PTPRA: variants seen among roughly 807,000 people sequenced by gnomAD.
PTPRA encodes protein tyrosine phosphatase receptor type A, also known as receptor-type tyrosine-protein phosphatase alpha.
PTPRA carries 25 observed loss-of-function variants against 104.8 expected under a neutral mutation model. That is an observed-to-expected ratio of 0.24 (90% confidence interval 0.17 to 0.33). The LOEUF (loss-of-function observed/expected upper bound fraction) is 0.33, where lower values mean the gene tolerates loss of function less well. Among genes scored for constraint, PTPRA ranks in the 10% least tolerant of loss-of-function variants. The pLI, the probability that PTPRA is intolerant of heterozygous loss-of-function variation, is 1.00. For synonymous variants in PTPRA, 323 were observed against 368.9 expected (o/e 0.88, Z 1.43); for missense variants, 765 against 1,015.3 (o/e 0.75, Z 3.35).
At chr20:2,882,896 A>G (rs1185742578) in intron 1 of PTPRA, among the ~76,000 whole-genome samples, 1 of 151,946 alleles carries the variant, frequency 6.6e-6, no homozygotes, top group Non-Finnish European at 1.5e-5. Flanking sequence ...TTTTAAAAAA[A>G]TGCCAACTTT....
chr20:2,979,471 C>G (rs564176658), intron 6 of PTPRA, among the ~76,000 whole-genome samples: 1 of 152,314 alleles, frequency 6.6e-6, no homozygotes, highest in South Asian at 2.1e-4. Context: ...GACAGTTGCT[C>G]TTTCACACAA....
chr20:2,879,106 A>G (rs2089909107), intron 1 of PTPRA, among the ~76,000 whole-genome samples: 1 of 152,236 alleles, frequency 6.6e-6, no homozygotes, highest in Non-Finnish European at 1.5e-5. Flanking sequence ...GTAGACAGAC[A>G]TTAAAATCAC....
rs1170681926 is a variant in PTPRA, at chr20:2,988,390, C to T, written c.654C>T (p.Tyr218=). 2 of 1,612,568 alleles carry T rather than the reference C, an allele frequency of 1.2e-6. No individual in the cohort carries two copies. The highest frequency in any genetic ancestry group is 2.2e-5 in the East Asian group (1 of 44,846). Residue 218 remains tyrosine, a synonymous_variant, in exon 9 of 24, where the codon TAC becomes TAT. Transcript: ENST00000399903. ...GATCCCCAAGCACCAACAGGAAATA[C>T]CCACCCCTGCCCGTGGACAAGCTGG... ...LARSPSTNRK[Y]PPLPVDKLEE...
chr20:2,966,387 A>T (rs1163475147), intron 5 of PTPRA, among the ~76,000 whole-genome samples: 1 of 152,238 alleles, frequency 6.6e-6, no homozygotes, highest in Non-Finnish European at 1.5e-5. Context: ...TATTAGGATT[A>T]AACAAGTTAA....
intron 22 of PTPRA, 100 bp downstream of exon 22, chr20:3,036,041 G>A: frequency 6.4e-7 from 1 of 1,566,574 alleles, no homozygotes; most frequent in Non-Finnish European, 8.6e-7. Context: ...CCATACAAGA[G>A]CAAGATATTG....
chr20:3,029,540 C>CTTTTTTTTGTTTTTTTTTT (rs2065322888), intron 20 of PTPRA, among the ~76,000 whole-genome samples: 1 of 78,084 alleles, frequency 1.3e-5, no homozygotes, highest in African/African-American at 5.5e-5. Context: ...TCTTCATCAT[C>CTTTTTTTTGTTTTTTTTTT]TTTTTTTTTT....
chr20:2,987,685 A>T (rs2062965221), intron 7 of PTPRA, among the ~76,000 whole-genome samples: 2 of 152,128 alleles, frequency 1.3e-5, no homozygotes, highest in African/African-American at 4.8e-5. Flanking sequence ...GGAAATACCA[A>T]GATTTTTGTT....
intron 2 of PTPRA, among the ~76,000 whole-genome samples, chr20:2,940,748 C>T (rs1427200943): frequency 6.6e-6 from 1 of 152,130 alleles, no homozygotes; most frequent in Non-Finnish European, 1.5e-5. Context: ...TTAGAATATG[C>T]CATGTTCATT....
At position 3,035,594 on chromosome 20, in the gene PTPRA, G is replaced by A. The variant is rs1158088221; in HGVS notation, c.1930G>A (p.Ala644Thr). ...ELEERGQEKC[A>T]QYWPSDGLVS... The stretch of plus-strand genomic sequence containing the variant: ...CAACCTGTCTCTCCAGGAGAAGTGT[G>A]CCCAGTACTGGCCATCTGATGGACT... Residue 644 changes from alanine to threonine, a missense_variant, in exon 21 of 24, where the codon GCC (alanine) becomes ACC (threonine). Physicochemically the swap from Ala to Thr is moderately conservative, Grantham distance 58. This residue lies in a region of PTPRA where 192 missense variants were observed against 227.0 expected (regional missense o/e 0.85). Coordinates refer to ENST00000399903, the MANE Select transcript of PTPRA (RefSeq NM_001385305.1). This position sits in a 1 kb window ranked among gnomAD's most constrained non-coding sequence, Gnocchi z 5.8. The A allele has an allele frequency of 6.2e-7, 1 of 1,611,800 alleles. No individual in the cohort carries two copies. Among genetic ancestry groups the A allele is most frequent in the Admixed American group, 1.7e-5 (1 of 60,008 alleles).
intron 9 of PTPRA, among the ~76,000 whole-genome samples, chr20:3,000,912 A>T (rs1004134424): frequency 1.3e-5 from 2 of 152,216 alleles, no homozygotes; most frequent in African/African-American, 4.8e-5. Context: ...AAGGAAGAGG[A>T]TATAAGGAGA....
At chr20:2,910,592 TTTTTTTTGTTTTTTTTAA>T (rs2059680218) in intron 1 of PTPRA, among the ~76,000 whole-genome samples, 1 of 126,952 alleles carries the variant, frequency 7.9e-6, no homozygotes, top group African/African-American at 3.3e-5. Flanking sequence ...TTTTTTTGTT[TTTTTTTTGTTTTTTTTAA>T]TTTTTTTTTT....
chr20:3,004,577 G>C (rs1283657328), intron 9 of PTPRA, among the ~76,000 whole-genome samples: 10 of 150,892 alleles, frequency 6.6e-5, no homozygotes, highest in Non-Finnish European at 1.3e-4. Context: ...AGGCTGGGGT[G>C]CCATGCCCCC....
At position 2,911,266 on chromosome 20, in the gene PTPRA, C is replaced by A. The variant is rs2059713711; in HGVS notation, c.-128-11941C>A. 2.0e-5 allele frequency among the ~76,000 whole-genome samples: 3 copies of A among 152,102 alleles called. No individual in the cohort carries two copies. The South Asian group carries it at 6.2e-4, about 32-fold the overall frequency. On this transcript the variant is annotated intron_variant, in intron 1 of 23. Transcript: ENST00000399903. Reference sequence around the variant, plus strand: ...TTGGCATAGGTGTTAACTTCATGGGCCTGTTGTATACAAACCAATTTTTTT... The same window carrying A: ...TTGGCATAGGTGTTAACTTCATGGGACTGTTGTATACAAACCAATTTTTTT...
At chr20:2,864,346 C>T in the PTPRA span, 2 of 1,614,014 alleles carry the variant, frequency 1.2e-6, no homozygotes, top group Admixed American at 1.7e-5. This position sits in a 1 kb window ranked among gnomAD's most constrained non-coding sequence, Gnocchi z 5.2. Context: ...AATTCCCACT[C>T]CACCTTACTC....
chr20:2,907,605 T>A (rs1054153060), intron 1 of PTPRA, among the ~76,000 whole-genome samples: 1 of 152,232 alleles, frequency 6.6e-6, no homozygotes, highest in Admixed American at 6.5e-5. Context: ...AATGATAACG[T>A]ATCTGAGATT....
At chr20:2,993,669 G>A (rs926863603) in intron 9 of PTPRA, among the ~76,000 whole-genome samples, 7 of 152,222 alleles carry the variant, frequency 4.6e-5, no homozygotes, top group South Asian at 2.1e-4. Context: ...AAAGTCTTCT[G>A]TAGCACTTAA....
At chr20:2,881,899 C>G (rs1044459337) in intron 1 of PTPRA, among the ~76,000 whole-genome samples, 1 of 152,152 alleles carries the variant, frequency 6.6e-6, no homozygotes, top group African/African-American at 2.4e-5. Context: ...ACTCGGGAGG[C>G]TGAGGCAGGA....
At chr20:2,953,442 G>A (rs1467124788) in intron 3 of PTPRA, among the ~76,000 whole-genome samples, 5 of 151,448 alleles carry the variant, frequency 3.3e-5, no homozygotes, top group African/African-American at 1.2e-4. Context: ...TTTAGTAGAG[G>A]TGGGGTTTCA....
intron 2 of PTPRA, among the ~76,000 whole-genome samples, chr20:2,945,739 G>T (rs776359031): frequency 6.6e-6 from 1 of 151,858 alleles, no homozygotes; most frequent in Non-Finnish European, 1.5e-5. Context: ...GGCCAGCCTT[G>T]CCAACATGGT....
Sources: gnomAD v4.1 joint callset for allele counts (sites outside exome capture counted in the v4.1 genomes callset) on GRCh38, gnomAD v4.1.1 for gene constraint, gnomAD v4.1.1 regional missense constraint, Gnocchi (gnomAD v3.1) non-coding constraint, MANE v1.5 for transcripts, NCBI Gene and HGNC (gene_info 2026-07-23, HGNC 2026-07-21) for gene names.